Variants in RALY observed in about 807,000 individuals in gnomAD.
RALY encodes the protein RALY heterogeneous nuclear ribonucleoprotein.
Under a neutral mutation model 30.7 loss-of-function variants are expected in RALY, and 15 were observed. The observed-to-expected ratio is 0.49, with a 90% CI of 0.33 to 0.75. The LOEUF (loss-of-function observed/expected upper bound fraction) is 0.75, where lower values mean the gene tolerates loss of function less well. RALY is among the 30% of genes least tolerant of loss of function. The pLI, the probability that RALY is intolerant of heterozygous loss-of-function variation, is 0.02. For missense variants in RALY, 339 were observed against 414.3 expected, an observed-to-expected ratio of 0.82 and a Z score of 1.58; for synonymous variants, 177 against 170.8, an observed-to-expected ratio of 1.04 and a Z score of -0.28.
At chr20:34,027,429 C>G (rs2032086187) in intron 1 of RALY, among the ~76,000 whole-genome samples, 1 of 152,212 alleles carries the variant, frequency 6.6e-6, no homozygotes, top group Admixed American at 6.5e-5. Context: ...AGTAGCAGCC[C>G]ATGTCTTTCT....
chr20:34,074,881 C>T (rs1174559119), intron 5 of RALY, among the ~76,000 whole-genome samples: 1 of 152,200 alleles, frequency 6.6e-6, no homozygotes, highest in African/African-American at 2.4e-5. Flanking sequence ...GAAGGGGCTC[C>T]CTGAACAAAG....
At chr20:34,074,185 C>T (rs997742403) in intron 5 of RALY, among the ~76,000 whole-genome samples, 2 of 152,200 alleles carry the variant, frequency 1.3e-5, no homozygotes, top group South Asian at 2.1e-4. Flanking sequence ...CAGGGTACAG[C>T]GCTGGTTGCA....
chr20:34,001,556 GTTTAT>G (rs1376727872), intron 1 of RALY, among the ~76,000 whole-genome samples: 4 of 152,122 alleles, frequency 2.6e-5, no homozygotes, highest in African/African-American at 7.2e-5. Context: ...GCTGTCTCCT[GTTTAT>G]TTTATTAAGG....
chr20:34,037,316 G>A (rs1361490879), intron 2 of RALY, among the ~76,000 whole-genome samples: 1 of 152,188 alleles, frequency 6.6e-6, no homozygotes, highest in African/African-American at 2.4e-5. Context: ...TACGGGGGTG[G>A]TGTAGCAGGA....
intron 1 of RALY, among the ~76,000 whole-genome samples, chr20:34,001,918 C>T (rs531991507): frequency 6.6e-6 from 1 of 152,138 alleles, no homozygotes; most frequent in Non-Finnish European, 1.5e-5. Flanking sequence ...AGGTGCCCAC[C>T]ACCACGCCCG....
At chr20:34,027,225 A>C (rs1349582087) in intron 1 of RALY, among the ~76,000 whole-genome samples, 1 of 152,198 alleles carries the variant, frequency 6.6e-6, no homozygotes. Flanking sequence ...GAGAGTACAC[A>C]GGCTCTGGAG....
intron 2 of RALY, among the ~76,000 whole-genome samples, chr20:34,068,519 CATTG>C (rs1367232242): frequency 6.6e-6 from 1 of 152,214 alleles, no homozygotes; most frequent in East Asian, 1.9e-4. Context: ...CCCTCCCTAA[CATTG>C]ATTGAACACT....
intron 1 of RALY, among the ~76,000 whole-genome samples, chr20:34,005,179 A>G (rs2031102234): frequency 6.6e-6 from 1 of 152,142 alleles, no homozygotes; most frequent in African/African-American, 2.4e-5. Flanking sequence ...GAGAATTTCT[A>G]GGCCCCCTCT....
intron 2 of RALY, among the ~76,000 whole-genome samples, chr20:34,049,802 A>G (rs895051608): frequency 1.3e-5 from 2 of 152,228 alleles, no homozygotes; most frequent in Non-Finnish European, 2.9e-5. Context: ...TTGATTAACA[A>G]AAGTTAGGAT....
chr20:34,077,123 A>C lies in RALY; in HGVS notation c.754A>C (p.Ser252Arg), dbSNP rs903555059. 4 of 1,607,334 alleles carry C rather than the reference A, an allele frequency of 2.5e-6. No individual in the cohort carries two copies. The African/African-American group carries it at 5.3e-5, about 21-fold the overall frequency. Residue 252 changes from serine (S) to arginine (R), a missense_variant, in exon 8 of 10, where the codon AGC becomes CGC. Coordinates refer to ENST00000246194, the MANE Select transcript of RALY (RefSeq NM_016732.3). The part of the protein sequence containing the change: ...GGSGGGGGGG[S>R]SRPPAPQENT... Reference sequence around the variant, plus strand: ...CAGTGGTGGTGGCGGTGGCGGTGGCAGCAGCCGGCCACCAGCCCCCCAAGA... The same window carrying C: ...CAGTGGTGGTGGCGGTGGCGGTGGCCGCAGCCGGCCACCAGCCCCCCAAGA...
intron 2 of RALY, among the ~76,000 whole-genome samples, chr20:34,036,735 C>T (rs549613690): frequency 7.9e-4 from 120 of 152,172 alleles, no homozygotes; most frequent in African/African-American, 2.8e-3. Flanking sequence ...TAGATTTTCT[C>T]TTTCTTTTTG....
intron 1 of RALY, among the ~76,000 whole-genome samples, chr20:34,006,329 G>A (rs1490426059): frequency 6.6e-6 from 1 of 152,154 alleles, no homozygotes; most frequent in Non-Finnish European, 1.5e-5. Flanking sequence ...ATTTCACAGT[G>A]TGTCTCTAAA....
At chr20:34,045,699 T>C (rs1450808583) in intron 2 of RALY, among the ~76,000 whole-genome samples, 1 of 152,356 alleles carries the variant, frequency 6.6e-6, no homozygotes, top group Admixed American at 6.5e-5. Flanking sequence ...TTCTCCCTCA[T>C]GTAGCTCTCT....
chr20:34,002,731 A>G (rs2030974964), intron 1 of RALY, among the ~76,000 whole-genome samples: 1 of 152,164 alleles, frequency 6.6e-6, no homozygotes, highest in Non-Finnish European at 1.5e-5. Flanking sequence ...AGGGGACAAC[A>G]TTTCCTTTCA....
intron 1 of RALY, among the ~76,000 whole-genome samples, chr20:34,022,684 C>T (rs1012795238): frequency 7.9e-5 from 12 of 152,140 alleles, no homozygotes; most frequent in African/African-American, 1.7e-4. Flanking sequence ...CCCTGAAGGA[C>T]GGAAAAAGTA....
intron 1 of RALY, among the ~76,000 whole-genome samples, chr20:34,020,010 G>A (rs1601421809): frequency 6.6e-6 from 1 of 151,956 alleles, no homozygotes; most frequent in African/African-American, 2.4e-5. Context: ...GCAGTGAGCC[G>A]AGATCCCGCC....
At chr20:34,002,881 G>T (rs866552432) in intron 1 of RALY, among the ~76,000 whole-genome samples, 37 of 152,272 alleles carry the variant, frequency 2.4e-4, no homozygotes, top group African/African-American at 7.9e-4. Flanking sequence ...GTTTTATTAT[G>T]CTCTATTTTG....
chr20:34,051,661 TCTC>T (rs2033082922), intron 2 of RALY, among the ~76,000 whole-genome samples: 1 of 152,134 alleles, frequency 6.6e-6, no homozygotes, highest in Non-Finnish European at 1.5e-5. Context: ...AGTGGCGTGA[TCTC>T]CGCTCACTGC....
chr20:34,060,244 CAAT>C (rs2033377130), intron 2 of RALY, among the ~76,000 whole-genome samples: 1 of 152,204 alleles, frequency 6.6e-6, no homozygotes, highest in African/African-American at 2.4e-5. Context: ...CCAACAACAA[CAAT>C]AATAATTGAG....
Sources: allele counts gnomAD v4.1 joint callset (sites outside exome capture counted in the v4.1 genomes callset), GRCh38; gene constraint gnomAD v4.1.1; transcripts MANE v1.5; gene names NCBI Gene and HGNC (gene_info 2026-07-23, HGNC 2026-07-21).